The following ARHGEF4 variants were observed in gnomAD, a reference collection of about 807,000 sequenced individuals.
ARHGEF4 encodes the protein Rho guanine nucleotide exchange factor 4, also known as APC-stimulated guanine nucleotide exchange factor 1.
Under a neutral mutation model 162.0 loss-of-function variants are expected in ARHGEF4, and 119 were observed. The observed-to-expected ratio is 0.73, with a 90% CI of 0.63 to 0.86. The LOEUF is 0.86. Among genes scored for constraint, ARHGEF4 ranks in the 40% least tolerant of loss-of-function variants. ARHGEF4 has a pLI of 0.00. For missense variants in ARHGEF4, 2,488 were observed against 2,456.0 expected (o/e 1.01, Z -0.28); for synonymous variants, 1,014 against 979.9 (o/e 1.03, Z -0.65).
chr2:131,000,096 TTTAAA>T (rs1687669791), intron 4 of ARHGEF4, among the ~76,000 whole-genome samples: 1 of 152,258 alleles, frequency 6.6e-6, no homozygotes, highest in South Asian at 2.1e-4. Context: ...TTTTCAGTGT[TTTAAA>T]TAAAAAGATA....
Position 131,044,345 on chromosome 2 carries a change from T to TG in ARHGEF4, c.5206dup (p.Asp1736GlyfsTer71). The TG allele has an allele frequency of 6.2e-7, 1 of 1,607,648 alleles. No individual in the cohort carries two copies. Among genetic ancestry groups the TG allele is most frequent in the Non-Finnish European group, 8.5e-7 (1 of 1,177,540 alleles). ...TTGTACTACAAGGGCCGGCTGGACATGGACGGCCTGGAGGTGGTGGACCTG... is the reference window on the plus strand; with the variant it reads ...TTGTACTACAAGGGCCGGCTGGACATGGGACGGCCTGGAGGTGGTGGACCTG... On this transcript the variant is annotated frameshift_variant, in exon 12 of 14. Transcript: ENST00000409359. LOFTEE classifies it high-confidence loss of function.
chr2:131,039,591 C>T (rs1690601635), intron 6 of ARHGEF4: 1 of 1,042,384 alleles, frequency 9.6e-7, no homozygotes, highest in Non-Finnish European at 1.2e-6. Flanking sequence ...AGATGCTCCT[C>T]CTGCCCCAGA....
intron 1 of ARHGEF4, among the ~76,000 whole-genome samples, chr2:130,850,090 C>T (rs563481712): frequency 7.2e-5 from 11 of 152,262 alleles, no homozygotes; most frequent in African/African-American, 2.6e-4. Flanking sequence ...CGGGAGCCTC[C>T]CCTACTGCTG....
At chr2:130,850,784 G>A (rs772853852) in intron 1 of ARHGEF4, among the ~76,000 whole-genome samples, 6 of 152,250 alleles carry the variant, frequency 3.9e-5, no homozygotes, top group Non-Finnish European at 8.8e-5. Context: ...ACGGGAAGGG[G>A]AAGCAGGAGT....
intron 1 of ARHGEF4, among the ~76,000 whole-genome samples, chr2:130,849,872 C>G (rs1015708965): frequency 3.3e-5 from 5 of 152,150 alleles, no homozygotes; most frequent in African/African-American, 1.2e-4. Context: ...GCCTAGGATA[C>G]ACTTTTTAAA....
intron 4 of ARHGEF4, among the ~76,000 whole-genome samples, chr2:130,988,994 T>C (rs1434386158): frequency 6.6e-6 from 1 of 151,794 alleles, no homozygotes; most frequent in East Asian, 1.9e-4. Flanking sequence ...GGAGTTTCGC[T>C]CTTGTTGCCC....
Position 130,838,328 on chromosome 2 carries a change from G to A in ARHGEF4, c.39+1336G>A, listed in dbSNP as rs567223947. Reference sequence around the variant, plus strand: ...TTAGAAAATGTGAGTGTGGCCCGGCGCGGTGGCTCATGCCTGTAATCTCAG... The same window carrying A: ...TTAGAAAATGTGAGTGTGGCCCGGCACGGTGGCTCATGCCTGTAATCTCAG... On this transcript the variant is annotated intron_variant, in intron 1 of 13. Transcript: ENST00000409359. Among the ~76,000 whole-genome samples the A allele has an allele frequency of 2.0e-5, 3 of 152,304 alleles. No individual in the cohort carries two copies. In the East Asian group the frequency reaches 5.8e-4, roughly 29 times the overall value.
chr2:130,937,698 C>T (rs1225650422), intron 3 of ARHGEF4, among the ~76,000 whole-genome samples: 2 of 139,748 alleles, frequency 1.4e-5, no homozygotes, highest in South Asian at 2.2e-4. Flanking sequence ...GACAGAATGT[C>T]GCTCTGTCAC....
rs1044547638 is a variant in ARHGEF4, at chr2:131,021,460, A to G, written c.3986-6485A>G. On this transcript the variant is annotated intron_variant, in intron 4 of 13. Transcript: ENST00000409359. ...AGCTGAAACTGGATCCCTTCCTTAC[A>G]CCTTATACAAAAATTAATTCAAGAT... is the stretch of plus-strand genomic sequence containing the variant. Among the ~76,000 whole-genome samples the G allele has an allele frequency of 3.3e-5, 5 of 152,118 alleles. 2 individuals are homozygous for G. In the East Asian group the frequency reaches 9.6e-4, roughly 29 times the overall value.
At chr2:130,876,296 G>A (rs142710032) in intron 1 of ARHGEF4, among the ~76,000 whole-genome samples, 42 of 152,324 alleles carry the variant, frequency 2.8e-4, no homozygotes, top group Non-Finnish European at 5.4e-4. Flanking sequence ...ATGCTGCCGA[G>A]TGGATGGAGG....
chr2:130,989,482 C>A (rs1458239435), intron 4 of ARHGEF4, among the ~76,000 whole-genome samples: 1 of 152,042 alleles, frequency 6.6e-6, no homozygotes, highest in Non-Finnish European at 1.5e-5. Flanking sequence ...AAATAACATA[C>A]CTTACAAAAC....
At chr2:130,886,159 C>T (rs1295644221) in intron 1 of ARHGEF4, among the ~76,000 whole-genome samples, 1 of 152,008 alleles carries the variant, frequency 6.6e-6, no homozygotes. Context: ...ACTTTGCCTC[C>T]TTGGTGCTTA....
intron 4 of ARHGEF4, among the ~76,000 whole-genome samples, chr2:130,965,355 T>C (rs896747901): frequency 1.3e-5 from 2 of 152,268 alleles, no homozygotes; most frequent in African/African-American, 4.8e-5. Context: ...TGCAGACCTC[T>C]GCATTGAGCA....
At chr2:130,963,650 C>T (rs1424327578) in intron 4 of ARHGEF4, 2 of 147,060 alleles carry the variant, frequency 1.4e-5, no homozygotes, top group Admixed American at 6.7e-5. Flanking sequence ...CCGCTCCAGG[C>T]CTGCGTGCGC....
intron 4 of ARHGEF4, among the ~76,000 whole-genome samples, chr2:130,954,416 G>T (rs1684145127): frequency 6.6e-6 from 1 of 152,138 alleles, no homozygotes; most frequent in East Asian, 1.9e-4. Flanking sequence ...GGTGGCAGGG[G>T]GAGGGATAGC....
chr2:131,044,725 A>G (rs1691101990), intron 12 of ARHGEF4, among the ~76,000 whole-genome samples, 183 bp downstream of exon 12: 1 of 152,254 alleles, frequency 6.6e-6, no homozygotes, highest in African/African-American at 2.4e-5. Flanking sequence ...CCTCAATGGC[A>G]GGGTTACCTG....
At chr2:130,870,859 C>G (rs1441407312) in intron 1 of ARHGEF4, among the ~76,000 whole-genome samples, 2 of 152,048 alleles carry the variant, frequency 1.3e-5, no homozygotes, top group African/African-American at 4.8e-5. Flanking sequence ...CTGGCTGACT[C>G]TTGGCTAGGT....
intron 3 of ARHGEF4, among the ~76,000 whole-genome samples, chr2:130,941,757 C>G (rs1318510046): frequency 1.3e-5 from 2 of 152,196 alleles, no homozygotes; most frequent in African/African-American, 4.8e-5. Context: ...TCCTCATCAT[C>G]TTCACATTCC....
chr2:130,974,002 G>T (rs1685529772), intron 4 of ARHGEF4, among the ~76,000 whole-genome samples: 1 of 152,056 alleles, frequency 6.6e-6, no homozygotes. Context: ...GGGTGCAGTG[G>T]CTCATGCCTG....
Sources: allele counts gnomAD v4.1 joint callset (sites outside exome capture counted in the v4.1 genomes callset), GRCh38; gene constraint gnomAD v4.1.1; transcripts MANE v1.5; gene names NCBI Gene and HGNC (gene_info 2026-07-23, HGNC 2026-07-21).